Variants in PDE4C observed in about 807,000 individuals in gnomAD.
PDE4C encodes 3',5'-cyclic-AMP phosphodiesterase 4C.
Under a neutral mutation model 63.9 loss-of-function variants are expected in PDE4C, and 50 were observed. That is an observed-to-expected ratio of 0.78 (90% confidence interval 0.62 to 0.99). The LOEUF (loss-of-function observed/expected upper bound fraction) is 0.99. PDE4C is among the 50% of genes least tolerant of loss of function. The pLI, the probability that PDE4C is intolerant of heterozygous loss-of-function variation, is 0.00. For synonymous variants in PDE4C, 377 were observed against 385.1 expected, an observed-to-expected ratio of 0.98 and a Z score of 0.25; for missense variants, 777 against 899.1, an observed-to-expected ratio of 0.86 and a Z score of 1.74.
intron 1 of PDE4C, among the ~76,000 whole-genome samples, chr19:18,246,588 C>T (rs2384987): frequency 0.28 from 43,300 of 151,978 alleles, 6,349 homozygotes; most frequent in African/African-American, 0.31. Context: ...TCACCCTGAG[C>T]ACCCTCATTC....
chr19:18,242,803 A>AAAC (rs398034153), intron 1 of PDE4C, among the ~76,000 whole-genome samples: 1 of 148,170 alleles, frequency 6.7e-6, no homozygotes, highest in African/African-American at 2.5e-5. Context: ...AAAAAAAAAA[A>AAAC]GGGAATTGGG....
chr19:18,254,302 G>C, the PDE4C span, among the ~76,000 whole-genome samples: 10 of 152,338 alleles, frequency 6.6e-5, no homozygotes, highest in South Asian at 2.1e-3. Context: ...GGGGAGCTGA[G>C]TGCTTAGTGA....
At chr19:18,248,218 G>A (rs1442252017), upstream of PDE4C, 1 of 456,336 alleles carries the variant, frequency 2.2e-6, no homozygotes, top group Non-Finnish European at 4.4e-6. Flanking sequence ...TGGCTAGTGA[G>A]GGAAGGAGGG....
At chr19:18,218,106 G>T in intron 11 of PDE4C, 43 bp downstream of exon 11, 1 of 1,450,860 alleles carries the variant, frequency 6.9e-7, no homozygotes, top group Non-Finnish European at 9.7e-7. Flanking sequence ...GGTGGAGGCA[G>T]GGTCCACCTC....
At chr19:18,214,076 G>T (rs1309066901) in intron 12 of PDE4C, among the ~76,000 whole-genome samples, 1 of 152,060 alleles carries the variant, frequency 6.6e-6, no homozygotes, top group Non-Finnish European at 1.5e-5. Flanking sequence ...GGCTAACATG[G>T]TGAAACCCCG....
intron 13 of PDE4C, among the ~76,000 whole-genome samples, chr19:18,213,117 C>T (rs1968033909): frequency 6.6e-6 from 1 of 150,802 alleles, no homozygotes; most frequent in African/African-American, 2.4e-5. Flanking sequence ...CCCGTCTCTA[C>T]TAAAAATACA....
chr19:18,231,602 A>AG (rs956798618), intron 1 of PDE4C, among the ~76,000 whole-genome samples: 2 of 151,998 alleles, frequency 1.3e-5, no homozygotes, highest in Non-Finnish European at 2.9e-5. Flanking sequence ...AGTGGCCCCT[A>AG]GGGGGTCCAT....
chr19:18,234,860 C>T (rs1243208853), upstream of PDE4C, among the ~76,000 whole-genome samples: 3 of 152,084 alleles, frequency 2.0e-5, no homozygotes, highest in South Asian at 4.1e-4. Flanking sequence ...CAAATGACTC[C>T]CTCTCTGTTC....
chr19:18,222,989 C>T (rs139377778), intron 1 of PDE4C, among the ~76,000 whole-genome samples: 1,913 of 151,970 alleles, frequency 0.013, 25 homozygotes, highest in Non-Finnish European at 0.018. Context: ...AGTGAGCCAC[C>T]GCACCCGGCC....
chr19:18,220,484 C>A lies in PDE4C; in HGVS notation c.531G>T (p.Thr177=), dbSNP rs766518787. 2 of 1,614,144 alleles carry A rather than the reference C, an allele frequency of 1.2e-6. No individual in the cohort carries two copies. Among genetic ancestry groups the A allele is most frequent in the South Asian group, 1.1e-5 (1 of 91,082 alleles). ...CCAGGCACCAGTCCAGCTCGTCTAG[C>A]GTCTCCAATGCCAGCTTCTGCCCCG... The change falls in exon 6 of 15, where the codon ACG becomes ACT. Residue 177 remains threonine, a synonymous_variant. Coordinates refer to ENST00000262805, the Ensembl canonical transcript of PDE4C. This position sits in a 1 kb window ranked among gnomAD's most constrained non-coding sequence, Gnocchi z 5.1.
chr19:18,220,744 G>T lies in PDE4C; in HGVS notation c.499+130C>A, dbSNP rs1213676819. The T allele has an allele frequency of 2.1e-6, 2 of 944,296 alleles. No homozygotes were observed. The highest frequency in any genetic ancestry group is 3.4e-6 in the Non-Finnish European group (2 of 596,620). 58.5% of individuals were successfully genotyped at this position (944,296 alleles called of 1,614,324 possible). On this transcript the variant is annotated intron_variant, in intron 5 of 14. Transcript: ENST00000262805. This position sits in a 1 kb window ranked among gnomAD's most constrained non-coding sequence, Gnocchi z 5.1. ...AGTGTGGTGGGGTCCATCCCCGAGG[G>T]CGTTATTGTTTTTGCAGGGGCGGGG...
chr19:18,252,420 A>G (rs573191173), upstream of PDE4C: 2 of 398,872 alleles, frequency 5.0e-6, no homozygotes, highest in South Asian at 1.3e-4. Context: ...GGGAGAAGAA[A>G]TCAGAGAGCT....
chr19:18,247,299 T>A (rs376736075), intron 1 of PDE4C, among the ~76,000 whole-genome samples: 12 of 152,222 alleles, frequency 7.9e-5, no homozygotes, highest in African/African-American at 2.9e-4. Context: ...AGTGTTTCTT[T>A]TTTTTTTGGT....
chr19:18,219,728 G>C (rs774074887), intron 7 of PDE4C: 2 of 253,870 alleles, frequency 7.9e-6, no homozygotes, highest in Non-Finnish European at 1.5e-5. Flanking sequence ...GGAGGCTGAG[G>C]TGGGAGAATT....
chr19:18,221,068 CCG>C, intron 4 of PDE4C, 35 bp downstream of exon 4: 2 of 1,344,514 alleles, frequency 1.5e-6, no homozygotes, highest in Non-Finnish European at 2.1e-6. Context: ...CTTGTCTCTG[CCG>C]GCCCCGCCCC....
chr19:18,233,463 AC>A (rs35421958), exon 1 of PDE4C: 452,747 of 649,382 alleles, frequency 0.7, 158,347 homozygotes, highest in African/African-American at 0.91. Context: ...GGCTGAAGAG[AC>A]CCCCCCCCAA....
upstream of PDE4C, among the ~76,000 whole-genome samples, chr19:18,230,707 G>C (rs541883056): frequency 6.6e-5 from 10 of 152,054 alleles, no homozygotes; most frequent in Non-Finnish European, 1.0e-4. Flanking sequence ...AAGCTTAAAT[G>C]TCACTTCTCC....
chr19:18,218,526 G>A, intron 9 of PDE4C, 28 bp from the exon 10 acceptor site: 1 of 1,612,940 alleles, frequency 6.2e-7, no homozygotes, highest in Admixed American at 1.7e-5. Flanking sequence ...CTGGCTCAGG[G>A]CCTTGGCCTT....
chr19:18,233,745 G>C, upstream of PDE4C: 1 of 335,746 alleles, frequency 3.0e-6, no homozygotes, highest in South Asian at 2.3e-5. Flanking sequence ...GAGGGAGACC[G>C]GGGTTCAGGT....
Sources: allele counts gnomAD v4.1 joint callset (sites outside exome capture counted in the v4.1 genomes callset), GRCh38; gene constraint gnomAD v4.1.1; non-coding constraint Gnocchi (gnomAD v3.1); transcripts MANE v1.5; gene names NCBI Gene and HGNC (gene_info 2026-07-23, HGNC 2026-07-21).